Variants in DNAH2 observed in about 807,000 individuals in gnomAD.
DNAH2 encodes the protein axonemal beta dynein heavy chain 2.
In DNAH2, 323 loss-of-function variants were observed where a neutral mutation model predicts 523.5. The observed-to-expected ratio is 0.62, with a 90% confidence interval of 0.56 to 0.68. The LOEUF is 0.68. Ranked by LOEUF, DNAH2 falls within the 30% of genes least tolerant of loss-of-function variation. The pLI, the probability that DNAH2 is intolerant of heterozygous loss-of-function variation, is 0.00. For missense variants in DNAH2, 4,907 were observed against 5,701.5 expected (o/e 0.86, Z 4.49); for synonymous variants, 2,093 against 2,177.4 (o/e 0.96, Z 1.08).
rs983434290 is a variant in DNAH2 at position 7,766,397 on chromosome 17, G to A, written c.3591G>A (p.Arg1197=). 1 of 1,614,084 alleles carries A rather than the reference G, an allele frequency of 6.2e-7. No homozygotes were observed. The highest frequency in any genetic ancestry group is 8.5e-7 in the Non-Finnish European group (1 of 1,180,016). ...TGCGGGCCATGCTGATGGCCATGCGGGAAGAGGAAAATAGTCTCCGAGCCA... is the reference window on the plus strand; with the variant it reads ...TGCGGGCCATGCTGATGGCCATGCGAGAAGAGGAAAATAGTCTCCGAGCCA... The part of the protein sequence containing the change: ...TQVRAMLMAM[R]EEENSLRANL... Residue 1197 remains arginine, a synonymous_variant, in exon 22 of 86, where the codon CGG becomes CGA. Transcript: ENST00000572933.
Position 7,817,358 on chromosome 17 carries a change from G to T in DNAH2, c.9963G>T (p.Met3321Ile). 1 of 1,612,956 alleles carries T rather than the reference G, an allele frequency of 6.2e-7. No individual in the cohort carries two copies. The highest frequency in any genetic ancestry group is 8.5e-7 in the Non-Finnish European group (1 of 1,179,706). Residue 3321 changes from methionine (M) to isoleucine (I), a missense_variant, in exon 65 of 86, where the codon ATG becomes ATT. This residue lies in a region of DNAH2 where 1,851 missense variants were observed against 2,139.4 expected (regional missense o/e 0.87). Coordinates refer to ENST00000572933, the MANE Select transcript of DNAH2 (RefSeq NM_020877.5). ...CLLAAAFLSY[M>I]GPFLTNYRDE... ...TGGCAGCTGCCTTCCTGTCCTACAT[G>T]GGACCCTTCCTGACCAACTACCGGG...
At chr17:7,811,322 T>C (rs779537888) in intron 63 of DNAH2, among the ~76,000 whole-genome samples, 17 of 152,160 alleles carry the variant, frequency 1.1e-4, no homozygotes, top group Non-Finnish European at 2.4e-4. Context: ...AAAGATTAAA[T>C]AAATCCCTTT....
chr17:7,778,931 C>T (rs1380121051), intron 35 of DNAH2, among the ~76,000 whole-genome samples: 1 of 152,164 alleles, frequency 6.6e-6, no homozygotes, highest in African/African-American at 2.4e-5. Context: ...AGCTTATTTG[C>T]AAAATCAGAA....
rs567632016 is a variant in DNAH2, at chr17:7,831,354, A to G, written c.12460-36A>G. The G allele has an allele frequency of 6.2e-7, 1 of 1,614,002 alleles. No individual in the cohort carries two copies. Among genetic ancestry groups the G allele is most frequent in the African/African-American group, 1.3e-5 (1 of 75,016 alleles). On this transcript the variant is annotated intron_variant, in intron 80 of 85. Coordinates refer to ENST00000572933, the MANE Select transcript of DNAH2 (RefSeq NM_020877.5). This position sits in a 1 kb window ranked among gnomAD's most constrained non-coding sequence, Gnocchi z 4.2. ...GCCTGGGGGAGGGAAAGTGATGAGA[A>G]GAGGGGGCTACACTCAAGAGCTCCT...
intron 20 of DNAH2, 125 bp downstream of exon 20, chr17:7,764,398 C>T (rs1199500933): frequency 1.7e-5 from 20 of 1,178,442 alleles, no homozygotes; most frequent in Non-Finnish European, 2.3e-5. Flanking sequence ...ATTTGAAAGC[C>T]AAAGCTAGCT....
intron 58 of DNAH2, among the ~76,000 whole-genome samples, chr17:7,802,593 A>G (rs2151295107): frequency 6.6e-6 from 1 of 152,352 alleles, no homozygotes; most frequent in African/African-American, 2.4e-5. Flanking sequence ...AATAGTTGTT[A>G]TACTGTATTG....
intron 79 of DNAH2, 121 bp from the exon 80 acceptor site, chr17:7,830,965 A>G: frequency 6.6e-7 from 1 of 1,515,454 alleles, no homozygotes; most frequent in Non-Finnish European, 9.0e-7. Context: ...AGTTTGTGGG[A>G]TTGAGATGGG....
At chr17:7,779,649 A>G (rs921836396) in intron 36 of DNAH2, among the ~76,000 whole-genome samples, 1 of 152,198 alleles carries the variant, frequency 6.6e-6, no homozygotes, top group Non-Finnish European at 1.5e-5. Flanking sequence ...ATGTGTGTAT[A>G]TGTAGCCCTC....
At chr17:7,733,602 C>A (rs555785850) in intron 5 of DNAH2, among the ~76,000 whole-genome samples, 1 of 151,362 alleles carries the variant, frequency 6.6e-6, no homozygotes, top group African/African-American at 2.4e-5. Context: ...CTCAGACTCT[C>A]GAGTAGCTGG....
chr17:7,771,595 C>T (rs9889453), intron 28 of DNAH2, 127 bp downstream of exon 28: 570,069 of 980,962 alleles, frequency 0.58, 169,394 homozygotes, highest in Admixed American at 0.61. Context: ...TCTCCATCAC[C>T]TCTTCTAAGC....
In DNAH2 at chr17:7,798,191, G is replaced by A; in HGVS notation, c.8265G>A (p.Arg2755=). 6.2e-7 allele frequency: 1 copy of A among 1,610,654 alleles called. No individual in the cohort carries two copies. The highest frequency in any genetic ancestry group is 8.5e-7 in the Non-Finnish European group (1 of 1,177,262). Residue 2755 remains arginine (R), a synonymous_variant, in exon 54 of 86, where the codon CGG becomes CGA. Coordinates refer to ENST00000572933, the MANE Select transcript of DNAH2 (RefSeq NM_020877.5). The surrounding 1 kb of genome is among the most constrained non-coding windows in gnomAD (Gnocchi z 5.5). ...TRIVRVIGQP[R]GNMLLVGIGG... is the part of the protein sequence containing the mutation. ...TCGTGCGGGTCATTGGACAGCCTCG[G>A]GGCAACATGCTCCTGGTGGGTATCG...
At chr17:7,825,134 C>G (rs893120006) in intron 77 of DNAH2, among the ~76,000 whole-genome samples, 1 of 152,178 alleles carries the variant, frequency 6.6e-6, no homozygotes, top group African/African-American at 2.4e-5. Flanking sequence ...TGCCTCCCAT[C>G]ATTTCCTTAC....
At chr17:7,723,821 A>T in intron 3 of DNAH2, 132 bp downstream of exon 3, 2 of 806,400 alleles carry the variant, frequency 2.5e-6, no homozygotes, top group South Asian at 1.5e-5. Flanking sequence ...CTGTTAGCCT[A>T]CTCACCACAA....
At chr17:7,749,345 A>AAAAGAAAG (rs1597523445) in intron 12 of DNAH2, among the ~76,000 whole-genome samples, 1 of 141,930 alleles carries the variant, frequency 7.0e-6, no homozygotes, top group Non-Finnish European at 1.5e-5. Context: ...AAAAAAAAAA[A>AAAAGAAAG]AAAGAAAGAA....
At chr17:7,797,347 C>T in intron 51 of DNAH2, 53 bp from the exon 52 acceptor site, 3 of 1,613,682 alleles carry the variant, frequency 1.9e-6, no homozygotes, top group Non-Finnish European at 2.5e-6. Flanking sequence ...ACTGCCTTCC[C>T]CAGGCCATTC....
chr17:7,777,985 C>G, intron 33 of DNAH2, 92 bp from the exon 34 acceptor site: 1 of 1,220,198 alleles, frequency 8.2e-7, no homozygotes, highest in Non-Finnish European at 1.2e-6. Context: ...TGCAGCCTCC[C>G]TGACAACTCT....
intron 4 of DNAH2, among the ~76,000 whole-genome samples, chr17:7,730,464 G>A (rs369717860): frequency 1.1e-4 from 16 of 152,326 alleles, no homozygotes; most frequent in African/African-American, 2.9e-4. Flanking sequence ...TCCCTGAAAT[G>A]CAGAAGGAAC....
In DNAH2 at chr17:7,780,924, C is replaced by T; in HGVS notation, c.6004-118C>T. 6.3e-7 allele frequency: 1 copy of T among 1,584,792 alleles called. No individual in the cohort carries two copies. The highest frequency in any genetic ancestry group is 8.6e-7 in the Non-Finnish European group (1 of 1,162,488). ...CGTCCCATCCCCGTGTTGCCCGCTG[C>T]TTTGCTAATGGCTAACTGGTGTATC... On this transcript the variant is annotated intron_variant, in intron 38 of 85. Coordinates refer to ENST00000572933, the MANE Select transcript of DNAH2 (RefSeq NM_020877.5). The surrounding 1 kb of genome is among the most constrained non-coding windows in gnomAD (Gnocchi z 4.4).
At chr17:7,816,779 C>T in intron 64 of DNAH2, 44 bp downstream of exon 64, 1 of 1,599,112 alleles carries the variant, frequency 6.3e-7, no homozygotes, top group Non-Finnish European at 8.5e-7. Context: ...CTCTGCTCGC[C>T]ACTTCCGAGA....
Sources: allele counts gnomAD v4.1 joint callset (sites outside exome capture counted in the v4.1 genomes callset), GRCh38; gene constraint gnomAD v4.1.1; regional missense constraint gnomAD v4.1.1; non-coding constraint Gnocchi (gnomAD v3.1); transcripts MANE v1.5; gene names NCBI Gene and HGNC (gene_info 2026-07-23, HGNC 2026-07-21).